The following GAS2L2 variants were observed in gnomAD, a reference collection of about 807,000 sequenced individuals.
The protein encoded by GAS2L2 is growth arrest specific 2 like 2.
In GAS2L2, 21 loss-of-function variants were observed where a neutral mutation model predicts 35.2. The observed-to-expected ratio is 0.60, with a 90% CI of 0.42 to 0.86. GAS2L2 has a LOEUF of 0.86. GAS2L2 is among the 40% of genes least tolerant of loss of function. The probability of loss-of-function intolerance (pLI) is 0.00; values close to 1 mark genes in which losing one functional copy is unlikely to be tolerated. For synonymous variants in GAS2L2, 490 were observed against 473.2 expected, an observed-to-expected ratio of 1.04 and a Z score of -0.46; for missense variants, 1,169 against 1,144.4, an observed-to-expected ratio of 1.02 and a Z score of -0.31.
chr17:35,749,982 AG>A (rs2085692533), intron 2 of GAS2L2, 94 bp downstream of exon 2: 1 of 1,110,698 alleles, frequency 9.0e-7, no homozygotes, highest in African/African-American at 1.8e-5. Context: ...GAGCTCAAGA[AG>A]GGGGTGGGTT....
rs782539282 is a variant in GAS2L2 at position 35,746,328 on chromosome 17, T to C, written c.1169A>G (p.Gln390Arg). ...SPPSPQSSST[Q>R]KGRDPQCTSS... is the part of the protein sequence containing the mutation. ...GGTACACTGTGGGTCTCGGCCTTTT[T>C]GGGTAGATGAGGACTGGGGGCTGGG... is the stretch of plus-strand genomic sequence containing the variant. Residue 390 changes from glutamine to arginine, a missense_variant, in exon 6 of 6, where the codon CAA (glutamine) becomes CGA (arginine). Around this residue, in one of 3 missense-constraint regions of GAS2L2, gnomAD observed 1,035 missense variants for 976.5 expected, o/e 1.06. Coordinates refer to ENST00000604641, the MANE Select transcript of GAS2L2 (RefSeq NM_139285.4). 2.9e-6 allele frequency: 4 copies of C among 1,394,972 alleles called. No individual in the cohort carries two copies. In the Admixed American group the frequency reaches 1.1e-4, roughly 37 times the overall value. The allele number at this position is 1,394,972 out of a possible 1,614,324, so 86.4% of individuals were successfully genotyped here. A position where few individuals can be genotyped will look rare whatever the true frequency, so the allele number is the denominator to read the frequency against.
rs1181323069 is a variant in GAS2L2, at chr17:35,745,261, G to C, written c.2236C>G (p.Pro746Ala). 1 of 1,609,130 alleles carries C rather than the reference G, an allele frequency of 6.2e-7. No homozygotes were observed. Among genetic ancestry groups the C allele is most frequent in the Non-Finnish European group, 8.5e-7 (1 of 1,176,926 alleles). The stretch of plus-strand genomic sequence containing the variant: ...CATGCCTTGGCTTTGTCAGAGTTGG[G>C]GTCCAAGGGCGAAGGTGTGGGGGCC... ...PEAPTPSPLD[P>A]NSDKAKACLS... The change falls in exon 6 of 6, where the codon CCC (proline) becomes GCC (alanine). Residue 746 changes from proline (P) to alanine (A), a missense_variant. Physicochemically the swap from Pro to Ala is conservative, Grantham distance 27. Coordinates refer to ENST00000604641, the MANE Select transcript of GAS2L2 (RefSeq NM_139285.4).
rs1329120471 is a variant in GAS2L2, at chr17:35,750,400, G to A, written c.386-82C>T. ...AGCCTCCGGGGCAGGGGCTAGCGGG[G>A]AGGAAAGCACTGGGGTCATCCCCGG... On this transcript the variant is annotated intron_variant, in intron 1 of 5. Transcript: ENST00000604641. 3.2e-6 allele frequency: 5 copies of A among 1,584,060 alleles called. No homozygotes were observed. In the African/African-American group the frequency reaches 6.8e-5, roughly 21 times the overall value.
rs1555598786 is a variant in GAS2L2, at chr17:35,745,538, T to A, written c.1959A>T (p.Lys653Asn). 1 of 1,612,904 alleles carries A rather than the reference T, an allele frequency of 6.2e-7. No homozygotes were observed. Among genetic ancestry groups the A allele is most frequent in the South Asian group, 1.1e-5 (1 of 91,074 alleles). ...QWPEPGGPYD[K>N]AIQELAQGSP... ...ACCCCTGAGCCAGTTCTTGGATGGC[T>A]TTGTCATAAGGACCCCCAGGCTCAG... The change falls in exon 6 of 6, where the codon AAA (lysine) becomes AAT (asparagine). Residue 653 changes from lysine (K) to asparagine (N), a missense_variant. This residue lies in a region of GAS2L2 where 1,035 missense variants were observed against 976.5 expected (regional missense o/e 1.06). Transcript: ENST00000604641.
In GAS2L2 at chr17:35,752,860, C is replaced by G. The variant is rs1194355245; in HGVS notation, c.-10G>C. ...CCGCAGGCTGGGACATGGCTGGACC[C>G]CAGCAGGGCAGGAGGTGGGCACCTC... is the stretch of plus-strand genomic sequence containing the variant. On this transcript the variant is annotated 5_prime_UTR_variant, in exon 1 of 6. Coordinates refer to ENST00000604641, the MANE Select transcript of GAS2L2 (RefSeq NM_139285.4). 1 of 1,581,448 alleles carries G rather than the reference C, an allele frequency of 6.3e-7. No homozygotes were observed. Among genetic ancestry groups the G allele is most frequent in the African/African-American group, 1.3e-5 (1 of 74,384 alleles).
rs2085679150 is a variant in GAS2L2, at chr17:35,747,881, T to C, written c.800A>G (p.Asp267Gly). 1.9e-6 allele frequency: 3 copies of C among 1,613,796 alleles called. No individual in the cohort carries two copies. Among genetic ancestry groups the C allele is most frequent in the East Asian group, 4.5e-5 (2 of 44,856 alleles). The change falls in exon 4 of 6, where the codon GAC becomes GGC. Residue 267 changes from aspartate to glycine, a missense_variant. Asp to Gly is a moderately conservative substitution (Grantham distance 94, BLOSUM62 -1). This residue lies in a region of GAS2L2 where 1,035 missense variants were observed against 976.5 expected (regional missense o/e 1.06). Transcript: ENST00000604641. The part of the protein sequence containing the change: ...GGWDTLGHYL[D>G]KHDPCRCTSL... Reference sequence around the variant, plus strand: ...TGTGCAGCGGCAGGGGTCATGTTTGTCCAGGTAATGGCCCAGTGTGTCCCA... The same window carrying C: ...TGTGCAGCGGCAGGGGTCATGTTTGCCCAGGTAATGGCCCAGTGTGTCCCA...
Position 35,749,616 on chromosome 17 carries a change from T to G in GAS2L2, c.628-399A>C, listed in dbSNP as rs145430652. Among the ~76,000 whole-genome samples, 384 of 152,320 alleles carry G rather than the reference T, an allele frequency of 2.5e-3. 3 individuals carry two copies. Among genetic ancestry groups the G allele is most frequent in the African/African-American group, 8.4e-3 (350 of 41,570 alleles). On this transcript the variant is annotated intron_variant, in intron 2 of 5. Transcript: ENST00000604641. ...TGTGCAGACCCTGTTCCAAACACTT[T>G]GTATGTGCTGGCTCATTTACTGATT... is the stretch of plus-strand genomic sequence containing the variant.
chr17:35,749,943 A>C, intron 2 of GAS2L2, 134 bp downstream of exon 2: 1 of 791,804 alleles, frequency 1.3e-6, no homozygotes, highest in Non-Finnish European at 2.0e-6. Context: ...TTAAAGCCAC[A>C]CAGTGAATTC....
rs1555598751 is a variant in GAS2L2 at position 35,745,425 on chromosome 17, C to T, written c.2072G>A (p.Ser691Asn). 6.4e-7 allele frequency: 1 copy of T among 1,571,524 alleles called. No homozygotes were observed. The highest frequency in any genetic ancestry group is 1.2e-5 in the South Asian group (1 of 84,244). ...PKPAVTPGPG[S>N]LKGKLGARQS... ...TCTGGCTCCCAACTTCCCTTTGAGG[C>T]TTCCCGGTCCTGGGGTAACAGCTGG... Residue 691 changes from serine (S) to asparagine (N), a missense_variant, in exon 6 of 6, where the codon AGC becomes AAC. Ser to Asn is a conservative substitution (Grantham distance 46). Transcript: ENST00000604641.
rs782785324 is a variant in GAS2L2, at chr17:35,747,239, G to A, written c.862C>T (p.Pro288Ser). The A allele has an allele frequency of 3.1e-6, 5 of 1,612,604 alleles. No homozygotes were observed. Among genetic ancestry groups the A allele is most frequent in the Non-Finnish European group, 3.4e-6 (4 of 1,179,210 alleles). The change falls in exon 5 of 6, where the codon CCG (proline) becomes TCG (serine). Residue 288 changes from proline to serine, a missense_variant. By Grantham distance (74) the Pro-to-Ser change is moderately conservative. Transcript: ENST00000604641. ...SHKPGSFLKP[P>S]APPVQHEVRV... ...ACTTCATGCTGCACTGGTGGGGCCG[G>A]GGGCTTCAGGAAGCTGCCTGGCTTG...
Position 35,753,010 on chromosome 17 carries a change from CT to C in GAS2L2, c.-161del, listed in dbSNP as rs587661820. On this transcript the variant is annotated 5_prime_UTR_variant, in exon 1 of 6. Coordinates refer to ENST00000604641, the MANE Select transcript of GAS2L2 (RefSeq NM_139285.4). ...CTCCAGTGCTGCTACTTGCCACTGG[CT>C]TCAGCTGCCAGGCCTGGCCCAGCCC... 398 of 741,054 alleles carry C rather than the reference CT, an allele frequency of 5.4e-4. 2 individuals are homozygous for C. In the African/African-American group the frequency reaches 6.6e-3, roughly 12 times the overall value. 45.9% of individuals were successfully genotyped at this position (741,054 alleles called of 1,614,324 possible).
chr17:35,746,055 G>A lies in GAS2L2; in HGVS notation c.1442C>T (p.Ala481Val), dbSNP rs138443173. Residue 481 changes from alanine (A) to valine (V), a missense_variant, in exon 6 of 6, where the codon GCG (alanine) becomes GTG (valine). Around this residue, in one of 3 missense-constraint regions of GAS2L2, gnomAD observed 1,035 missense variants for 976.5 expected, o/e 1.06. Coordinates refer to ENST00000604641, the MANE Select transcript of GAS2L2 (RefSeq NM_139285.4). The part of the protein sequence containing the change: ...RLPLRDEAKG[A>V]FFQFREPESV... ...CTCTGGCTCCCTGAACTGGAAGAACGCACCCTTGGCCTCATCCCGGAGTGG... is the reference window on the plus strand; with the variant it reads ...CTCTGGCTCCCTGAACTGGAAGAACACACCCTTGGCCTCATCCCGGAGTGG... 3.5e-5 allele frequency: 54 copies of A among 1,538,554 alleles called. No homozygotes were observed. The African/African-American group carries it at 4.7e-4, about 13-fold the overall frequency.
In GAS2L2 at chr17:35,746,217, C is replaced by T; in HGVS notation, c.1280G>A (p.Ser427Asn). ...PTSWVHEETD[S>N]WGTDAGNPTP... ...GGGGTTCCCGGCGTCGGTTCCCCAG[C>T]TGTCTGTTTCTTCATGAACCCAAGA... is the stretch of plus-strand genomic sequence containing the variant. The change falls in exon 6 of 6, where the codon AGC becomes AAC. Residue 427 changes from serine to asparagine, a missense_variant. Around this residue, in one of 3 missense-constraint regions of GAS2L2, gnomAD observed 1,035 missense variants for 976.5 expected, o/e 1.06. Coordinates refer to ENST00000604641, the MANE Select transcript of GAS2L2 (RefSeq NM_139285.4). The T allele has an allele frequency of 6.8e-7, 1 of 1,480,198 alleles. No individual in the cohort carries two copies. The highest frequency in any genetic ancestry group is 9.0e-7 in the Non-Finnish European group (1 of 1,114,464). 91.7% of individuals were successfully genotyped at this position (1,480,198 alleles called of 1,614,324 possible). A position where few individuals can be genotyped will look rare whatever the true frequency, so the allele number is the denominator to read the frequency against.
At chr17:35,750,349 G>A in intron 1 of GAS2L2, 31 bp from the exon 2 acceptor site, 1 of 1,613,780 alleles carries the variant, frequency 6.2e-7, no homozygotes. Flanking sequence ...AAAGGGCAGA[G>A]GCAGCGTGAG....
chr17:35,753,008 G>T lies in GAS2L2; in HGVS notation c.-158C>A. ...ACCTCCAGTGCTGCTACTTGCCACT[G>T]GCTTCAGCTGCCAGGCCTGGCCCAG... On this transcript the variant is annotated 5_prime_UTR_variant, in exon 1 of 6. Coordinates refer to ENST00000604641, the MANE Select transcript of GAS2L2 (RefSeq NM_139285.4). The T allele has an allele frequency of 1.3e-6, 1 of 753,352 alleles. No homozygotes were observed. The highest frequency in any genetic ancestry group is 2.1e-6 in the Non-Finnish European group (1 of 479,818). 46.7% of individuals were successfully genotyped at this position (753,352 alleles called of 1,614,324 possible). A position where few individuals can be genotyped will look rare whatever the true frequency, so the allele number is the denominator to read the frequency against.
intron 2 of GAS2L2, 82 bp downstream of exon 2, chr17:35,749,995 G>A (rs1219873252): frequency 1.0e-5 from 14 of 1,380,670 alleles, no homozygotes; most frequent in Non-Finnish European, 1.4e-5. Context: ...GGGTGGGTTA[G>A]TGGGGGCTGG....
chr17:35,747,996 C>G (rs1810205143), intron 3 of GAS2L2, 51 bp from the exon 4 acceptor site: 1 of 1,429,978 alleles, frequency 7.0e-7, no homozygotes, highest in African/African-American at 1.4e-5. Context: ...AGCCCCTCTT[C>G]CTGGACCAGC....
chr17:35,748,309 G>A (rs185099826), intron 3 of GAS2L2, among the ~76,000 whole-genome samples: 2 of 152,338 alleles, frequency 1.3e-5, no homozygotes, highest in Admixed American at 6.5e-5. Flanking sequence ...AGAGCCCATG[G>A]GAGTCCTGGT....
At position 35,744,919 on chromosome 17, in the gene GAS2L2, C is replaced by T; in HGVS notation, c.2578G>A (p.Glu860Lys). ...TTAAGCCAGTGAGGTTGCAGGCCCT[C>T]TGGAGGTTGGGGGCTGCTCTCCAAT... ...APLESSPQPP[E>K]GLQPHWLNQA... The change falls in exon 6 of 6, where the codon GAG becomes AAG. Residue 860 changes from glutamate (E) to lysine (K), a missense_variant. This residue lies in a region of GAS2L2 where 1,035 missense variants were observed against 976.5 expected (regional missense o/e 1.06). Transcript: ENST00000604641. 1 of 1,613,272 alleles carries T rather than the reference C, an allele frequency of 6.2e-7. No individual in the cohort carries two copies. The highest frequency in any genetic ancestry group is 8.5e-7 in the Non-Finnish European group (1 of 1,179,578).
Sources: allele counts gnomAD v4.1 joint callset (sites outside exome capture counted in the v4.1 genomes callset), GRCh38; gene constraint gnomAD v4.1.1; regional missense constraint gnomAD v4.1.1; transcripts MANE v1.5; gene names NCBI Gene and HGNC (gene_info 2026-07-23, HGNC 2026-07-21).